Variants in EDEM1 observed in about 807,000 individuals in gnomAD.
The protein encoded by EDEM1 is ER degradation-enhancing alpha-mannosidase-like protein 1.
A neutral mutation model predicts 74.4 loss-of-function variants in EDEM1; 67 were observed. The observed-to-expected ratio is 0.90, with a 90% confidence interval of 0.74 to 1.10. The LOEUF (loss-of-function observed/expected upper bound fraction) is 1.10, where lower values mean the gene tolerates loss of function less well. EDEM1 is among the 50% of genes least tolerant of loss of function. EDEM1 has a pLI of 0.00. For synonymous variants in EDEM1, 382 were observed against 335.9 expected (o/e 1.14, Z -1.50); for missense variants, 926 against 851.6 (o/e 1.09, Z -1.09).
At chr3:5,197,117 G>A (rs1295706094) in intron 2 of EDEM1, among the ~76,000 whole-genome samples, 5 of 142,066 alleles carry the variant, frequency 3.5e-5, no homozygotes, top group African/African-American at 1.3e-4. Flanking sequence ...CATCTTGCCT[G>A]CTATTCTGTT....
At chr3:5,189,426 G>A (rs887433296) in intron 1 of EDEM1, 1 of 152,134 alleles carries the variant, frequency 6.6e-6, no homozygotes. Context: ...GATTTCTACC[G>A]AAGCAAGGGG....
At chr3:5,205,718 C>T (rs549332375) in intron 6 of EDEM1, among the ~76,000 whole-genome samples, 2 of 152,322 alleles carry the variant, frequency 1.3e-5, no homozygotes, top group East Asian at 3.9e-4. Context: ...CCACTGGCTT[C>T]CCCCAGAGTG....
At chr3:5,191,770 C>G (rs1451572529) in intron 1 of EDEM1, among the ~76,000 whole-genome samples, 4 of 152,292 alleles carry the variant, frequency 2.6e-5, no homozygotes, top group African/African-American at 9.6e-5. Context: ...CCTGAACACT[C>G]TAAAAAGAGC....
In EDEM1 at chr3:5,187,813, G is replaced by A. The variant is rs1456127176; in HGVS notation, c.8G>A (p.Trp3Ter). ...CGCGGCGCCCGCGCGACCATGCAAT[G>A]GCGAGCGCTCGTCCTGGGGCTGGTG... MQ[W>*]RALVLGLVLL... Residue 3 changes from tryptophan to a stop codon, truncating the protein, a stop_gained, in exon 1 of 12, where the codon TGG (tryptophan) becomes TAG (stop). Transcript: ENST00000256497. LOFTEE classifies it high-confidence loss of function. 1.9e-6 allele frequency: 3 copies of A among 1,580,842 alleles called. No individual in the cohort carries two copies. Among genetic ancestry groups the A allele is most frequent in the South Asian group, 1.1e-5 (1 of 87,916 alleles).
At chr3:5,211,288 C>T (rs989595949) in intron 10 of EDEM1, 72 bp downstream of exon 10, 1 of 1,399,562 alleles carries the variant, frequency 7.1e-7, no homozygotes, top group African/African-American at 1.4e-5. Flanking sequence ...AGTCTTCCAT[C>T]TGACAGGTAC....
intron 2 of EDEM1, among the ~76,000 whole-genome samples, chr3:5,195,640 G>C (rs1338941743): frequency 6.6e-6 from 1 of 152,150 alleles, no homozygotes; most frequent in African/African-American, 2.4e-5. Context: ...AAGATCTAAG[G>C]GTTGGCAGGT....
At position 5,219,545 on chromosome 3, in the gene EDEM1, A is replaced by T. The variant is rs1483347709; in HGVS notation, c.*3627A>T. The T allele has an allele frequency of 6.6e-6, 1 of 152,232 alleles. No individual in the cohort carries two copies. Among genetic ancestry groups the T allele is most frequent in the African/African-American group, 2.4e-5 (1 of 41,462 alleles). The allele number at this position is 152,232 out of a possible 1,614,324, so 9.4% of individuals were successfully genotyped here. On this transcript the variant is annotated 3_prime_UTR_variant, in exon 12 of 12. Coordinates refer to ENST00000256497, the MANE Select transcript of EDEM1 (RefSeq NM_014674.3). ...ATCTGGACGTGAATCTGGTAAAAAT[A>T]TCAAGTACCTGTGGAACTCCCTGAT...
chr3:5,217,540 T>C lies in EDEM1; in HGVS notation c.*1622T>C, dbSNP rs2055255035. 1 of 152,808 alleles carries C rather than the reference T, an allele frequency of 6.5e-6. No individual in the cohort carries two copies. The highest frequency in any genetic ancestry group is 6.5e-5 in the Admixed American group (1 of 15,306). 9.5% of individuals were successfully genotyped at this position (152,808 alleles called of 1,614,324 possible). Reference sequence around the variant, plus strand: ...TCCTTCTTGAAAATTTTAAGTGTTATGGTTTTATATAGTTCAGTTCTTTGA... The same window carrying C: ...TCCTTCTTGAAAATTTTAAGTGTTACGGTTTTATATAGTTCAGTTCTTTGA... On this transcript the variant is annotated 3_prime_UTR_variant, in exon 12 of 12. Coordinates refer to ENST00000256497, the MANE Select transcript of EDEM1 (RefSeq NM_014674.3).
intron 4 of EDEM1, 148 bp downstream of exon 4, chr3:5,202,072 G>T: frequency 1.0e-6 from 1 of 1,001,236 alleles, no homozygotes; most frequent in South Asian, 1.8e-5. Flanking sequence ...CCTTAAATAT[G>T]ATGTAAATAT....
intron 2 of EDEM1, among the ~76,000 whole-genome samples, chr3:5,198,906 C>G (rs1455075178): frequency 3.9e-5 from 6 of 152,170 alleles, no homozygotes; most frequent in African/African-American, 1.4e-4. Flanking sequence ...AAGTTTGATG[C>G]CCAACTGTGC....
chr3:5,217,632 A>G lies in EDEM1; in HGVS notation c.*1714A>G, dbSNP rs988733620. On this transcript the variant is annotated 3_prime_UTR_variant, in exon 12 of 12. Transcript: ENST00000256497. ...CTATCTCTTAAACATTTATTACAAC[A>G]ATTGTTTTAAAATAGAAAAAATAAA... 1.3e-5 allele frequency: 2 copies of G among 152,586 alleles called. No individual in the cohort carries two copies. Among genetic ancestry groups the G allele is most frequent in the Non-Finnish European group, 2.9e-5 (2 of 68,036 alleles). The allele number at this position is 152,586 out of a possible 1,614,324, so 9.5% of individuals were successfully genotyped here.
intron 5 of EDEM1, 79 bp downstream of exon 5, chr3:5,203,228 C>A (rs1187850675): frequency 1.5e-6 from 2 of 1,370,978 alleles, no homozygotes; most frequent in Non-Finnish European, 1.9e-6. Context: ...GCTCTGCCCC[C>A]TTTTTACTCT....
chr3:5,187,856 C>G lies in EDEM1; in HGVS notation c.51C>G (p.Leu17=). 3 of 1,597,094 alleles carry G rather than the reference C, an allele frequency of 1.9e-6. No homozygotes were observed. Among genetic ancestry groups the G allele is most frequent in the Non-Finnish European group, 2.6e-6 (3 of 1,173,112 alleles). ...GGCTGGTGCTCCTCCGGCTTGGCCTCCATGGAGTATTGTGGCTCGTCTTCG... is the reference window on the plus strand; with the variant it reads ...GGCTGGTGCTCCTCCGGCTTGGCCTGCATGGAGTATTGTGGCTCGTCTTCG... ...VLGLVLLRLG[L]HGVLWLVFGL... The change falls in exon 1 of 12, where the codon CTC becomes CTG. Residue 17 remains leucine (L), a synonymous_variant. Transcript: ENST00000256497.
In EDEM1 at chr3:5,208,163, GT is replaced by G. The variant is rs1332786672; in HGVS notation, c.1410del (p.Ala471ProfsTer20). ...AFYYAIWKRY[G>X]ALPERYNWQL... The stretch of plus-strand genomic sequence containing the variant: ...TACTATGCCATATGGAAACGATATG[GT>G]GCCCTCCCTGAGAGATATAACTGGC... On this transcript the variant is annotated frameshift_variant, in exon 8 of 12. Transcript: ENST00000256497. LOFTEE classifies it high-confidence loss of function. 2.5e-6 allele frequency: 4 copies of G among 1,612,972 alleles called. No homozygotes were observed. The highest frequency in any genetic ancestry group is 3.4e-6 in the Non-Finnish European group (4 of 1,179,770).
chr3:5,202,042 G>C, intron 4 of EDEM1, 118 bp downstream of exon 4: 1 of 1,290,256 alleles, frequency 7.8e-7, no homozygotes, highest in Non-Finnish European at 1.0e-6. Flanking sequence ...GAGAAAAGCA[G>C]TGTCCTTAGA....
At chr3:5,209,871 T>TCAG (rs2055146311) in intron 8 of EDEM1, among the ~76,000 whole-genome samples, 1 of 152,184 alleles carries the variant, frequency 6.6e-6, no homozygotes, top group South Asian at 2.1e-4. Context: ...TATGGTGCTG[T>TCAG]CAGCGTGGGC....
chr3:5,215,678 C>T, intron 11 of EDEM1, 151 bp from the exon 12 acceptor site: 2 of 681,294 alleles, frequency 2.9e-6, no homozygotes, highest in South Asian at 1.8e-5. Context: ...GTGCTGCTGA[C>T]CGTCCTGCAG....
Position 5,211,144 on chromosome 3 carries a change from C to T in EDEM1, c.1608C>T (p.His536=), listed in dbSNP as rs199724056. 114 of 1,614,050 alleles carry T rather than the reference C, an allele frequency of 7.1e-5. No individual in the cohort carries two copies. The highest frequency in any genetic ancestry group is 8.6e-5 in the Non-Finnish European group (101 of 1,180,024). Residue 536 remains histidine (H), a synonymous_variant, in exon 10 of 12, where the codon CAC becomes CAT. Transcript: ENST00000256497. ...GGTGTGGGTACGCCACGCTGCATCA[C>T]GTCATTGACAAGTCCACAGAAGACC... ...KVKCGYATLH[H]VIDKSTEDRM... is the part of the protein sequence containing the mutation.
At chr3:5,195,881 C>T (rs1267737829) in intron 2 of EDEM1, among the ~76,000 whole-genome samples, 1 of 152,244 alleles carries the variant, frequency 6.6e-6, no homozygotes, top group Non-Finnish European at 1.5e-5. Flanking sequence ...GCAGAAGCAC[C>T]TTGAAGGCAG....
Sources: allele counts gnomAD v4.1 joint callset (sites outside exome capture counted in the v4.1 genomes callset), GRCh38; gene constraint gnomAD v4.1.1; transcripts MANE v1.5; gene names NCBI Gene and HGNC (gene_info 2026-07-23, HGNC 2026-07-21).